Variants in ZFHX3 observed in about 807,000 individuals in gnomAD.
ZFHX3 encodes the protein zinc finger homeobox 3.
In ZFHX3, 42 loss-of-function variants were observed where a neutral mutation model predicts 279.1. The observed-to-expected ratio is 0.15, with a 90% CI of 0.12 to 0.19. The LOEUF (loss-of-function observed/expected upper bound fraction) is 0.19. ZFHX3 is among the 10% of genes least tolerant of loss of function. The pLI, the probability that ZFHX3 is intolerant of heterozygous loss-of-function variation, is 1.00. For missense variants in ZFHX3, 4,981 were observed against 4,754.0 expected (o/e 1.05, Z -1.40); for synonymous variants, 2,293 against 1,957.8 (o/e 1.17, Z -4.52).
intron 5 of ZFHX3, among the ~76,000 whole-genome samples, chr16:73,203,741 C>G (rs1043143488): frequency 6.6e-6 from 1 of 152,206 alleles, no homozygotes; most frequent in African/African-American, 2.4e-5. Flanking sequence ...TGAGCACTTA[C>G]TGCAGTATAT....
chr16:72,893,033 A>G (rs1252513829), intron 3 of ZFHX3, among the ~76,000 whole-genome samples: 3 of 152,204 alleles, frequency 2.0e-5, no homozygotes, highest in Non-Finnish European at 4.4e-5. Flanking sequence ...AAACAGGACC[A>G]GGATATTCCA....
intron 1 of ZFHX3, among the ~76,000 whole-genome samples, chr16:73,018,117 C>A (rs1295604193): frequency 6.6e-6 from 1 of 151,836 alleles, no homozygotes; most frequent in African/African-American, 2.4e-5. Context: ...TCTTGAGTAG[C>A]TGGGACTACA....
intron 7 of ZFHX3, among the ~76,000 whole-genome samples, chr16:72,806,593 G>GGTGGGTGCAACCGCCCCCAGGCCA (rs1392047845): frequency 6.6e-6 from 1 of 152,148 alleles, no homozygotes; most frequent in African/African-American, 2.4e-5. Context: ...CTGGTACCCA[G>GGTGGGTGCAACCGCCCCCAGGCCA]GTGGGTGCAA....
chr16:73,179,722 T>A (rs1259267570), intron 5 of ZFHX3, among the ~76,000 whole-genome samples: 1 of 152,172 alleles, frequency 6.6e-6, no homozygotes. Flanking sequence ...CAGGGTCCTT[T>A]ATACGCATCT....
intron 2 of ZFHX3, among the ~76,000 whole-genome samples, chr16:73,458,702 C>A (rs1473606585): frequency 6.6e-6 from 1 of 152,132 alleles, no homozygotes; most frequent in Non-Finnish European, 1.5e-5. Context: ...TACCCCAGGT[C>A]ACCCCCAACC....
chr16:73,249,872 G>T (rs928603761), intron 5 of ZFHX3, among the ~76,000 whole-genome samples: 1 of 148,824 alleles, frequency 6.7e-6, no homozygotes, highest in African/African-American at 2.5e-5. Context: ...ACCAATCAGT[G>T]CAATTAAGGA....
intron 1 of ZFHX3, among the ~76,000 whole-genome samples, chr16:72,981,951 C>T (rs1597051156): frequency 6.7e-6 from 1 of 149,132 alleles, no homozygotes; most frequent in Non-Finnish European, 1.5e-5. Flanking sequence ...GGCGCCATCT[C>T]GGCTCACTGC....
chr16:72,901,004 A>G (rs574045750), intron 3 of ZFHX3, among the ~76,000 whole-genome samples: 1 of 152,332 alleles, frequency 6.6e-6, no homozygotes, highest in East Asian at 1.9e-4. Context: ...GCCTGCACAC[A>G]AGAATTCACC....
intron 4 of ZFHX3, among the ~76,000 whole-genome samples, chr16:72,884,070 C>T (rs2038562753): frequency 6.6e-6 from 1 of 151,128 alleles, no homozygotes; most frequent in Non-Finnish European, 1.5e-5. Flanking sequence ...AGCCTTACAC[C>T]AACTTTGCAA....
At chr16:73,618,855 T>C (rs562614490) in intron 2 of ZFHX3, among the ~76,000 whole-genome samples, 1 of 152,224 alleles carries the variant, frequency 6.6e-6, no homozygotes, top group Admixed American at 6.5e-5. Flanking sequence ...CCCTCGGTAG[T>C]TTAGAAAATC....
chr16:73,325,928 A>ACACACAAAAACACAC (rs1567451240), intron 3 of ZFHX3, among the ~76,000 whole-genome samples: 7 of 145,492 alleles, frequency 4.8e-5, no homozygotes, highest in Non-Finnish European at 9.1e-5. Context: ...CACACACACA[A>ACACACAAAAACACAC]ACACACACAC....
At chr16:73,129,445 A>AT (rs907879629) in intron 7 of ZFHX3, among the ~76,000 whole-genome samples, 1 of 149,608 alleles carries the variant, frequency 6.7e-6, no homozygotes, top group Non-Finnish European at 1.5e-5. Flanking sequence ...GTCAGTCTCT[A>AT]TTTTCTCTGA....
At chr16:73,057,949 G>A (rs914576651) in intron 1 of ZFHX3, among the ~76,000 whole-genome samples, 11 of 148,056 alleles carry the variant, frequency 7.4e-5, no homozygotes, top group African/African-American at 2.7e-4. Context: ...CTCAGCCCGG[G>A]GCCCCGGCGC....
chr16:73,259,539 G>A (rs748622016), intron 4 of ZFHX3, among the ~76,000 whole-genome samples: 7 of 152,094 alleles, frequency 4.6e-5, no homozygotes, highest in African/African-American at 7.2e-5. Context: ...TGTAATATAC[G>A]AATGCATTTT....
chr16:73,739,652 C>T (rs114037595), intron 1 of ZFHX3, among the ~76,000 whole-genome samples: 298 of 152,202 alleles, frequency 2.0e-3, no homozygotes, highest in African/African-American at 6.8e-3. Context: ...ACTCTTCTGT[C>T]TATTGACTAT....
chr16:73,230,489 G>A (rs2012739450), intron 5 of ZFHX3, among the ~76,000 whole-genome samples: 1 of 152,110 alleles, frequency 6.6e-6, no homozygotes, highest in African/African-American at 2.4e-5. Context: ...ATCCTCCCTA[G>A]TGCCCCATTC....
At chr16:73,698,162 T>C (rs758330630) in intron 1 of ZFHX3, among the ~76,000 whole-genome samples, 1 of 152,170 alleles carries the variant, frequency 6.6e-6, no homozygotes, top group Non-Finnish European at 1.5e-5. Context: ...CAATTCCCAA[T>C]GGCCGAAACT....
intron 2 of ZFHX3, among the ~76,000 whole-genome samples, chr16:73,523,447 G>A (rs1041274760): frequency 3.9e-5 from 6 of 152,070 alleles, no homozygotes; most frequent in African/African-American, 1.4e-4. Flanking sequence ...GTCTTCCTGT[G>A]CAGGGTGGCC....
chr16:73,116,771 C>G (rs1311647459), intron 7 of ZFHX3, among the ~76,000 whole-genome samples: 1 of 152,152 alleles, frequency 6.6e-6, no homozygotes, highest in Non-Finnish European at 1.5e-5. Context: ...AGTCCTAACC[C>G]TGGGTACTGC....
Sources: gnomAD v4.1 joint callset for allele counts (sites outside exome capture counted in the v4.1 genomes callset) on GRCh38, gnomAD v4.1.1 for gene constraint, MANE v1.5 for transcripts, NCBI Gene and HGNC (gene_info 2026-07-23, HGNC 2026-07-21) for gene names.